SIPA1L3: variants seen among roughly 807,000 people sequenced by gnomAD.
The protein encoded by SIPA1L3 is signal-induced proliferation-associated 1-like protein 3.
Under a neutral mutation model 150.1 loss-of-function variants are expected in SIPA1L3, and 59 were observed. The observed-to-expected ratio is 0.39, with a 90% CI of 0.32 to 0.49. The LOEUF is 0.49. SIPA1L3 is among the 20% of genes least tolerant of loss of function. The pLI is 0.86. For missense variants in SIPA1L3, 2,211 were observed against 2,489.5 expected (o/e 0.89, Z 2.38); for synonymous variants, 1,070 against 1,077.6 (o/e 0.99, Z 0.14).
intron 1 of SIPA1L3, among the ~76,000 whole-genome samples, chr19:37,944,839 A>G (rs2046695158): frequency 6.6e-6 from 1 of 151,882 alleles, no homozygotes; most frequent in African/African-American, 2.4e-5. Flanking sequence ...AATCCCAGCT[A>G]CTCGGGAGGC....
chr19:37,959,272 G>A (rs182890733), intron 1 of SIPA1L3, among the ~76,000 whole-genome samples: 20 of 152,226 alleles, frequency 1.3e-4, no homozygotes, highest in Admixed American at 9.2e-4. Context: ...AAAATGACCC[G>A]ATGTCCATCA....
At position 38,208,286 on chromosome 19, in the gene SIPA1L3, T is replaced by C. The variant is rs1973274927; in HGVS notation, c.*2046T>C. The C allele has an allele frequency of 6.6e-6, 1 of 152,344 alleles. No homozygotes were observed. The highest frequency in any genetic ancestry group is 1.5e-5 in the Non-Finnish European group (1 of 67,986). 9.4% of individuals were successfully genotyped at this position (152,344 alleles called of 1,614,324 possible). On this transcript the variant is annotated 3_prime_UTR_variant, in exon 22 of 22. Coordinates refer to ENST00000222345, the MANE Select transcript of SIPA1L3 (RefSeq NM_015073.3). ...GGATTTTTTTTTTATTATTCTTTATTGTCTTTTTTTTTTCCCCATCCCTGT... is the reference window on the plus strand; with the variant it reads ...GGATTTTTTTTTTATTATTCTTTATCGTCTTTTTTTTTTCCCCATCCCTGT...
In SIPA1L3 at chr19:38,081,603, A is replaced by G. The variant is rs994669931; in HGVS notation, c.38A>G (p.Asp13Gly). Reference sequence around the variant, plus strand: ...CGGGCCATCCCCAGCGATGGTGTGGACCTGGCAGCCAGCTGTGGCGCCAGG... The same window carrying G: ...CGGGCCATCCCCAGCGATGGTGTGGGCCTGGCAGCCAGCTGTGGCGCCAGG... Reference protein sequence around the residue: ...TYRAIPSDGVDLAASCGARVG... With the variant: ...TYRAIPSDGVGLAASCGARVG... The change falls in exon 3 of 22, where the codon GAC becomes GGC. Residue 13 changes from aspartate (D) to glycine (G), a missense_variant. Asp to Gly is a moderately conservative substitution (Grantham distance 94, BLOSUM62 -1). Around this residue, in one of 5 missense-constraint regions of SIPA1L3, gnomAD observed 130 missense variants for 174.5 expected, o/e 0.74. Transcript: ENST00000222345. 3 of 1,601,090 alleles carry G rather than the reference A, an allele frequency of 1.9e-6. No homozygotes were observed. The highest frequency in any genetic ancestry group is 1.7e-6 in the Non-Finnish European group (2 of 1,171,348).
At chr19:38,200,195 C>T (rs887792605) in intron 19 of SIPA1L3, 1 of 152,226 alleles carries the variant, frequency 6.6e-6, no homozygotes, top group Non-Finnish European at 1.5e-5. Flanking sequence ...GCCTCAGCCT[C>T]CTGAGTAGCT....
At chr19:38,157,835 G>T (rs1222433166) in intron 13 of SIPA1L3, among the ~76,000 whole-genome samples, 1 of 152,206 alleles carries the variant, frequency 6.6e-6, no homozygotes, top group Non-Finnish European at 1.5e-5. Context: ...GGGATACCGG[G>T]TGAGCCAGGC....
chr19:37,934,062 A>T (rs1242672660), intron 1 of SIPA1L3, among the ~76,000 whole-genome samples: 1 of 152,136 alleles, frequency 6.6e-6, no homozygotes, highest in Non-Finnish European at 1.5e-5. Flanking sequence ...GGGCTGAACA[A>T]GTTTTAATTA....
chr19:38,088,842 G>A lies in SIPA1L3; in HGVS notation c.1656G>A (p.Arg552=), dbSNP rs1347107992. ...GPQYQYRIIF[R]TRELITLRGS... is the part of the protein sequence containing the mutation. ...AGTACCAGTACAGGATCATCTTCCG[G>A]ACCCGCGAGGTAGGTCCCATCACTC... The change falls in exon 4 of 22, where the codon CGG becomes CGA. Residue 552 remains arginine, a synonymous_variant. Transcript: ENST00000222345. The A allele has an allele frequency of 6.2e-7, 1 of 1,613,854 alleles. No homozygotes were observed. Among genetic ancestry groups the A allele is most frequent in the Non-Finnish European group, 8.5e-7 (1 of 1,179,826 alleles).
At chr19:38,165,592 C>A (rs573222134) in intron 15 of SIPA1L3, among the ~76,000 whole-genome samples, 26 of 152,272 alleles carry the variant, frequency 1.7e-4, no homozygotes, top group South Asian at 1.0e-3. Context: ...ACGGGGCCAT[C>A]CCAGCTACAA....
intron 2 of SIPA1L3, among the ~76,000 whole-genome samples, chr19:38,069,768 G>T (rs1453057297): frequency 1.3e-5 from 2 of 151,604 alleles, no homozygotes; most frequent in South Asian, 4.2e-4. Context: ...GGGTTCAAGC[G>T]ATTCTCCTGC....
At chr19:38,102,250 T>C (rs1386169459) in intron 6 of SIPA1L3, among the ~76,000 whole-genome samples, 2 of 148,938 alleles carry the variant, frequency 1.3e-5, no homozygotes, top group Admixed American at 6.7e-5. Flanking sequence ...ATTTACTATA[T>C]TGGCCAGGTT....
At chr19:38,136,369 C>G (rs113664148) in intron 10 of SIPA1L3, among the ~76,000 whole-genome samples, 2 of 151,506 alleles carry the variant, frequency 1.3e-5, no homozygotes, top group East Asian at 3.9e-4. Flanking sequence ...TTTGGGAGGC[C>G]GAGGGAGGCG....
At chr19:37,920,171 A>G (rs1356785911) in intron 1 of SIPA1L3, among the ~76,000 whole-genome samples, 4 of 150,148 alleles carry the variant, frequency 2.7e-5, no homozygotes, top group Non-Finnish European at 5.9e-5. Flanking sequence ...GCGATCCCCC[A>G]TCTCAGCCTT....
intron 12 of SIPA1L3, among the ~76,000 whole-genome samples, chr19:38,142,915 G>A (rs529024598): frequency 6.6e-6 from 1 of 152,158 alleles, no homozygotes; most frequent in South Asian, 2.1e-4. Flanking sequence ...ACCCATCGTT[G>A]GCTTTCCTTG....
rs1568975 is a variant in SIPA1L3 at position 38,083,162 on chromosome 19, T to C, written c.1534+63T>C. 199,677 of 1,422,940 alleles carry C rather than the reference T, an allele frequency of 0.14. 14,668 individuals carry two copies. Among genetic ancestry groups the C allele is most frequent in the African/African-American group, 0.22 (15,606 of 71,308 alleles). 88.1% of individuals were successfully genotyped at this position (1,422,940 alleles called of 1,614,324 possible). On this transcript the variant is annotated intron_variant, in intron 3 of 21. Transcript: ENST00000222345. ...CGAGGCTTGCCTCCGAGACCCCCAC[T>C]ACTCATTCATTCACTCTGTGCCAGG...
chr19:38,199,640 G>A (rs980331695), intron 19 of SIPA1L3, among the ~76,000 whole-genome samples: 2 of 152,154 alleles, frequency 1.3e-5, no homozygotes, highest in African/African-American at 2.4e-5. Flanking sequence ...AGACCTGGGA[G>A]GAAGCACACC....
intron 2 of SIPA1L3, among the ~76,000 whole-genome samples, chr19:38,040,964 C>T (rs574494503): frequency 2.6e-5 from 4 of 151,904 alleles, no homozygotes; most frequent in Non-Finnish European, 5.9e-5. Context: ...GGGGTTTCAC[C>T]GTGTTAGCCA....
At chr19:38,056,998 C>T (rs959907701) in intron 2 of SIPA1L3, among the ~76,000 whole-genome samples, 4 of 152,020 alleles carry the variant, frequency 2.6e-5, no homozygotes, top group African/African-American at 9.7e-5. Context: ...GGACCGGGCG[C>T]GGTGGCTCAA....
At position 38,082,324 on chromosome 19, in the gene SIPA1L3, CG is replaced by C; in HGVS notation, c.761del (p.Gly254AlafsTer52). ...ATCCTGGCCCACACCTCATGGGGGG[CG>C]GCGGCGGAGCCAAGGGGGACTCCCA... ...ADPGPHLMGG[G>X]GGAKGDSHNG... On this transcript the variant is annotated frameshift_variant, in exon 3 of 22. Transcript: ENST00000222345. LOFTEE classifies it high-confidence loss of function. 4.4e-6 allele frequency: 7 copies of C among 1,598,136 alleles called. No homozygotes were observed. Among genetic ancestry groups the C allele is most frequent in the Non-Finnish European group, 5.9e-6 (7 of 1,178,654 alleles).
At chr19:37,976,424 T>C (rs924274182) in intron 1 of SIPA1L3, among the ~76,000 whole-genome samples, 2 of 152,136 alleles carry the variant, frequency 1.3e-5, no homozygotes, top group Non-Finnish European at 2.9e-5. Context: ...TGCCGGCCAG[T>C]CTGGCAGAAA....
Sources: allele counts gnomAD v4.1 joint callset (sites outside exome capture counted in the v4.1 genomes callset), GRCh38; gene constraint gnomAD v4.1.1; regional missense constraint gnomAD v4.1.1; transcripts MANE v1.5; gene names NCBI Gene and HGNC (gene_info 2026-07-23, HGNC 2026-07-21).